Variants in SLC16A8 observed in about 807,000 individuals in gnomAD.
The protein encoded by SLC16A8 is solute carrier family 16 member 8.
A neutral mutation model predicts 22.4 loss-of-function variants in SLC16A8; 20 were observed. That is an observed-to-expected ratio of 0.89 (90% CI 0.63 to 1.30). The LOEUF (loss-of-function observed/expected upper bound fraction) is 1.30. Ranked by LOEUF, SLC16A8 falls within the 50% of genes most tolerant of loss-of-function variation. The pLI is 0.00. For missense variants in SLC16A8, 817 were observed against 740.3 expected, an observed-to-expected ratio of 1.10 and a Z score of -1.20; for synonymous variants, 393 against 358.8, an observed-to-expected ratio of 1.10 and a Z score of -1.08.
chr22:38,078,755 C>T (rs2085880549), intron 5 of SLC16A8, 51 bp from the exon 6 acceptor site: 7 of 1,518,746 alleles, frequency 4.6e-6, no homozygotes, highest in Admixed American at 1.7e-5. Context: ...TGGGGTCCTC[C>T]CCTCACTCTC....
rs181380924 is a variant in SLC16A8 at position 38,078,212 on chromosome 22, C to T, written c.*176G>A. ...TCACTGGCGATGGGGCAGGGCCTGGCGGAACTTGGGGCACAGATGAGGGAG... is the reference window on the plus strand; with the variant it reads ...TCACTGGCGATGGGGCAGGGCCTGGTGGAACTTGGGGCACAGATGAGGGAG... On this transcript the variant is annotated 3_prime_UTR_variant, in exon 6 of 6. Transcript: ENST00000681075. 9.6e-5 allele frequency: 60 copies of T among 624,356 alleles called. No individual in the cohort carries two copies. Among genetic ancestry groups the T allele is most frequent in the South Asian group, 6.0e-4 (29 of 48,362 alleles). The allele number at this position is 624,356 out of a possible 1,614,324, so 38.7% of individuals were successfully genotyped here. A position where few individuals can be genotyped will look rare whatever the true frequency, so the allele number is the denominator to read the frequency against.
At chr22:38,082,206 C>T (rs1375423332) in intron 3 of SLC16A8, among the ~76,000 whole-genome samples, 174 bp from the exon 4 acceptor site, 1 of 152,228 alleles carries the variant, frequency 6.6e-6, no homozygotes, top group East Asian at 1.9e-4. Context: ...GCCCAGAGCA[C>T]CCCATCCTGC....
Position 38,082,645 on chromosome 22 carries a change from G to T in SLC16A8, c.214+15C>A. ...GGGGTCCCGGGGAGGCGGAGGGCCGGGCGGGGACACTGACCCGTGCCGTAG... is the reference window on the plus strand; with the variant it reads ...GGGGTCCCGGGGAGGCGGAGGGCCGTGCGGGGACACTGACCCGTGCCGTAG... On this transcript the variant is annotated intron_variant, in intron 3 of 5. Coordinates refer to ENST00000681075, the MANE Select transcript of SLC16A8 (RefSeq NM_013356.3). 4 of 1,541,040 alleles carry T rather than the reference G, an allele frequency of 2.6e-6. No individual in the cohort carries two copies. Among genetic ancestry groups the T allele is most frequent in the Non-Finnish European group, 3.5e-6 (4 of 1,141,676 alleles).
intron 3 of SLC16A8, 27 bp from the exon 4 acceptor site, chr22:38,082,059 G>T: frequency 6.4e-7 from 1 of 1,557,926 alleles, no homozygotes. Flanking sequence ...GTCACCACCC[G>T]GGTCCCGGGA....
In SLC16A8 at chr22:38,078,614, G is replaced by C; in HGVS notation, c.1289C>G (p.Ala430Gly). The change falls in exon 6 of 6, where the codon GCC becomes GGC. Residue 430 changes from alanine to glycine, a missense_variant. Transcript: ENST00000681075. Reference protein sequence around the residue: ...VALAGVFMAVATNCCLRCAKA... With the variant: ...VALAGVFMAVGTNCCLRCAKA... ...AGCACAACGCAGGCAGCAGTTGGTG[G>C]CGACAGCCATGAAGACCCCAGCCAG... 1 of 1,614,014 alleles carries C rather than the reference G, an allele frequency of 6.2e-7. No homozygotes were observed. Among genetic ancestry groups the C allele is most frequent in the Non-Finnish European group, 8.5e-7 (1 of 1,179,980 alleles).
intron 3 of SLC16A8, 64 bp from the exon 4 acceptor site, chr22:38,082,096 T>C: frequency 6.7e-7 from 1 of 1,492,652 alleles, no homozygotes; most frequent in Non-Finnish European, 9.0e-7. Context: ...AGGAATAAGG[T>C]CACCTCCGGC....
intron 3 of SLC16A8, 58 bp downstream of exon 3, chr22:38,082,602 T>G: frequency 7.0e-7 from 1 of 1,425,918 alleles, no homozygotes. Context: ...CTCGGGTGTC[T>G]CCTGGTTCCG....
Position 38,081,595 on chromosome 22 carries a change from A to G in SLC16A8, c.443T>C (p.Leu148Pro), listed in dbSNP as rs1288483514. The part of the protein sequence containing the change: ...FERRRPLANG[L>P]AAAGSPVFLS... ...GAACACGGGGCTGCCCGCCGCCGCC[A>G]GCCCGTTGGCCAGAGGCCGCCGCCG... The change falls in exon 5 of 6, where the codon CTG (leucine) becomes CCG (proline). Residue 148 changes from leucine (L) to proline (P), a missense_variant. Leu to Pro is a moderately conservative substitution (Grantham distance 98). Transcript: ENST00000681075. 1 of 1,516,774 alleles carries G rather than the reference A, an allele frequency of 6.6e-7. No individual in the cohort carries two copies. The highest frequency in any genetic ancestry group is 2.1e-5 in the Admixed American group (1 of 48,418). 94.0% of individuals were successfully genotyped at this position (1,516,774 alleles called of 1,614,324 possible). A position where few individuals can be genotyped will look rare whatever the true frequency, so the allele number is the denominator to read the frequency against.
chr22:38,082,503 C>T (rs1264458744), intron 3 of SLC16A8, among the ~76,000 whole-genome samples, 157 bp downstream of exon 3: 1 of 152,262 alleles, frequency 6.6e-6, no homozygotes, highest in Non-Finnish European at 1.5e-5. Flanking sequence ...TCCCTCCCGC[C>T]CTCTCTTCCC....
Position 38,080,965 on chromosome 22 carries a change from C to G in SLC16A8, c.1073G>C (p.Gly358Ala). 1.9e-6 allele frequency: 3 copies of G among 1,595,938 alleles called. No individual in the cohort carries two copies. Among genetic ancestry groups the G allele is most frequent in the Middle Eastern group, 3.3e-4 (2 of 6,020 alleles). ...CTCGAACTGCAGCGCGCCCACCATG[C>G]CGTAGGAGAGGCCGAAGGCGACGCA... ...AFCVAFGLSY[G>A]MVGALQFEVL... The change falls in exon 5 of 6, where the codon GGC (glycine) becomes GCC (alanine). Residue 358 changes from glycine (G) to alanine (A), a missense_variant. Transcript: ENST00000681075.
chr22:38,082,053 C>T (rs1376786512), intron 3 of SLC16A8, 21 bp from the exon 4 acceptor site: 1 of 1,561,684 alleles, frequency 6.4e-7, no homozygotes, highest in Non-Finnish European at 8.7e-7. Flanking sequence ...GGCAGGGTCA[C>T]CACCCGGGTC....
intron 5 of SLC16A8, 46 bp downstream of exon 5, chr22:38,080,794 T>G (rs981050028): frequency 4.1e-6 from 6 of 1,450,426 alleles, no homozygotes; most frequent in Non-Finnish European, 5.4e-6. Context: ...CTTCCCTGGG[T>G]CTAAGGGGCA....
chr22:38,082,161 G>T, intron 3 of SLC16A8, 129 bp from the exon 4 acceptor site: 3 of 1,139,930 alleles, frequency 2.6e-6, no homozygotes, highest in Non-Finnish European at 3.6e-6. Flanking sequence ...GCTTGGAGGG[G>T]ACAGGCCAAA....
chr22:38,081,624 G>T lies in SLC16A8; in HGVS notation c.414C>A (p.Phe138Leu). 2 of 1,522,022 alleles carry T rather than the reference G, an allele frequency of 1.3e-6. No individual in the cohort carries two copies. The highest frequency in any genetic ancestry group is 1.2e-5 in the South Asian group (1 of 82,706). 94.3% of individuals were successfully genotyped at this position (1,522,022 alleles called of 1,614,324 possible). ...QPSLIMLGLY[F>L]ERRRPLANGL... ...CGTTGGCCAGAGGCCGCCGCCGCTC[G>T]AAGTACAGCCCCAGCATGATGAGCG... Residue 138 changes from phenylalanine to leucine, a missense_variant, in exon 5 of 6, where the codon TTC becomes TTA. By Grantham distance (22) the Phe-to-Leu change is conservative (BLOSUM62 0). Coordinates refer to ENST00000681075, the MANE Select transcript of SLC16A8 (RefSeq NM_013356.3).
At position 38,081,882 on chromosome 22, in the gene SLC16A8, C is replaced by T. The variant is rs748849760; in HGVS notation, c.358+7G>A. 98 of 1,592,512 alleles carry T rather than the reference C, an allele frequency of 6.2e-5. No homozygotes were observed. The highest frequency in any genetic ancestry group is 7.5e-5 in the Non-Finnish European group (88 of 1,170,078). ...ACCCAGCGGAGAGGAGACCAGGGGG[C>T]CCTCACCTGTGAGCACCCCAGCGGT... is the stretch of plus-strand genomic sequence containing the variant. On this transcript the variant is annotated splice_region_variant and intron_variant, in intron 4 of 5. Coordinates refer to ENST00000681075, the MANE Select transcript of SLC16A8 (RefSeq NM_013356.3).
At chr22:38,083,640 C>T in intron 1 of SLC16A8, among the ~76,000 whole-genome samples, 1 of 152,214 alleles carries the variant, frequency 6.6e-6, no homozygotes, top group Middle Eastern at 3.2e-3. Flanking sequence ...GCCCTCCAAA[C>T]CTCAAACCCT....
chr22:38,080,706 G>A, intron 5 of SLC16A8, 134 bp downstream of exon 5: 1 of 1,240,024 alleles, frequency 8.1e-7, no homozygotes, highest in South Asian at 1.6e-5. Flanking sequence ...GGACTAACTG[G>A]CCGTGAAGGG....
At position 38,081,054 on chromosome 22, in the gene SLC16A8, C is replaced by T. The variant is rs767984182; in HGVS notation, c.984G>A (p.Leu328=). The T allele has an allele frequency of 5.0e-6, 8 of 1,587,134 alleles. No individual in the cohort carries two copies. Among genetic ancestry groups the T allele is most frequent in the South Asian group, 3.4e-5 (3 of 88,334 alleles). ...HVPYLFSLAL[L]ANGLTDLSSA... ...TGCTCAGGTCTGTGAGCCCATTGGC[C>T]AGCAGGGCCAGGCTGAACAGATACG... Residue 328 remains leucine, a synonymous_variant, in exon 5 of 6, where the codon CTG becomes CTA. Coordinates refer to ENST00000681075, the MANE Select transcript of SLC16A8 (RefSeq NM_013356.3).
Position 38,081,056 on chromosome 22 carries a change from G to A in SLC16A8, c.982C>T (p.Leu328=), listed in dbSNP as rs969914462. 3.8e-6 allele frequency: 6 copies of A among 1,585,892 alleles called. No homozygotes were observed. In the African/African-American group the frequency reaches 8.0e-5, roughly 21 times the overall value. The change falls in exon 5 of 6, where the codon CTG becomes TTG. Residue 328 remains leucine (L), a synonymous_variant. Coordinates refer to ENST00000681075, the MANE Select transcript of SLC16A8 (RefSeq NM_013356.3). ...CTCAGGTCTGTGAGCCCATTGGCCA[G>A]CAGGGCCAGGCTGAACAGATACGGG... ...HVPYLFSLAL[L]ANGLTDLSSA... is the part of the protein sequence containing the mutation.
Sources: gnomAD v4.1 joint callset for allele counts (sites outside exome capture counted in the v4.1 genomes callset) on GRCh38, gnomAD v4.1.1 for gene constraint, MANE v1.5 for transcripts, NCBI Gene and HGNC (gene_info 2026-07-23, HGNC 2026-07-21) for gene names.